The following GRM5 variants were observed in gnomAD, a reference collection of about 807,000 sequenced individuals.
The protein encoded by GRM5 is metabotropic glutamate receptor 5.
A neutral mutation model predicts 83.1 loss-of-function variants in GRM5; 19 were observed. The ratio of observed to expected loss-of-function variants is 0.23; its 90% confidence interval spans 0.16 to 0.34. GRM5 has a LOEUF of 0.34. Ranked by LOEUF, GRM5 falls within the 10% of genes least tolerant of loss-of-function variation. The pLI, the probability that GRM5 is intolerant of heterozygous loss-of-function variation, is 1.00. For missense variants in GRM5, 1,160 were observed against 1,588.3 expected (o/e 0.73, Z 4.58); for synonymous variants, 675 against 633.6 (o/e 1.07, Z -0.98).
intron 3 of GRM5, among the ~76,000 whole-genome samples, chr11:88,722,498 A>G (rs990411470): frequency 6.6e-6 from 1 of 152,158 alleles, no homozygotes; most frequent in Non-Finnish European, 1.5e-5. Flanking sequence ...AAGCCATAAC[A>G]TGCAGAAATC....
intron 7 of GRM5, among the ~76,000 whole-genome samples, chr11:88,573,348 C>T (rs1434476890): frequency 6.6e-6 from 1 of 152,120 alleles, no homozygotes; most frequent in East Asian, 1.9e-4. Flanking sequence ...AGCTGGTACT[C>T]ATGCTTAGAT....
At chr11:88,949,442 T>C (rs1938384622) in intron 2 of GRM5, among the ~76,000 whole-genome samples, 1 of 152,226 alleles carries the variant, frequency 6.6e-6, no homozygotes, top group Admixed American at 6.5e-5. Context: ...CGTTTTGAAA[T>C]ACAGTAGGTA....
intron 2 of GRM5, among the ~76,000 whole-genome samples, chr11:88,937,678 C>T (rs1224560299): frequency 6.6e-6 from 1 of 151,582 alleles, no homozygotes; most frequent in Non-Finnish European, 1.5e-5. Flanking sequence ...TCCACCAGGC[C>T]CTCAAATACA....
intron 4 of GRM5, among the ~76,000 whole-genome samples, chr11:88,632,938 T>C (rs1391419741): frequency 1.3e-5 from 2 of 152,350 alleles, no homozygotes; most frequent in African/African-American, 2.4e-5. Flanking sequence ...TGATTAATCA[T>C]ATTGAGCATC....
At chr11:88,647,118 C>T (rs1020625499) in intron 4 of GRM5, among the ~76,000 whole-genome samples, 1 of 152,032 alleles carries the variant, frequency 6.6e-6, no homozygotes, top group Non-Finnish European at 1.5e-5. Context: ...CCATGGTGTC[C>T]TCCTTGTCTC....
intron 3 of GRM5, among the ~76,000 whole-genome samples, chr11:88,751,156 T>C (rs1029037039): frequency 1.6e-5 from 2 of 125,592 alleles, no homozygotes; most frequent in Admixed American, 7.7e-5. Context: ...CATCAAGAAA[T>C]GAACAAATCC....
chr11:88,624,974 T>A (rs1208752963), intron 4 of GRM5, among the ~76,000 whole-genome samples: 1 of 152,200 alleles, frequency 6.6e-6, no homozygotes, highest in Non-Finnish European at 1.5e-5. Flanking sequence ...CTATAGCCAC[T>A]GTTCTGCATG....
chr11:89,044,150 T>C (rs1941592461), intron 2 of GRM5, among the ~76,000 whole-genome samples: 1 of 152,188 alleles, frequency 6.6e-6, no homozygotes, highest in African/African-American at 2.4e-5. Flanking sequence ...CCCTTTACAT[T>C]TCCTTAGTGC....
intron 3 of GRM5, among the ~76,000 whole-genome samples, chr11:88,829,710 TA>T (rs753383723): frequency 1.3e-5 from 2 of 152,172 alleles, no homozygotes; most frequent in African/African-American, 4.8e-5. Context: ...AATTTTAATT[TA>T]AAAAATTGTA....
At chr11:88,853,719 T>C (rs897047818) in intron 2 of GRM5, among the ~76,000 whole-genome samples, 4 of 151,618 alleles carry the variant, frequency 2.6e-5, no homozygotes, top group African/African-American at 9.7e-5. Flanking sequence ...AAAAATAAAC[T>C]AGCATACTTA....
At chr11:89,046,173 A>C (rs1033718920) in intron 2 of GRM5, among the ~76,000 whole-genome samples, 1 of 152,200 alleles carries the variant, frequency 6.6e-6, no homozygotes, top group African/African-American at 2.4e-5. Context: ...GTATTTGTGC[A>C]TAATATGTGT....
chr11:89,029,911 C>A (rs1941221798), intron 2 of GRM5, among the ~76,000 whole-genome samples: 1 of 152,116 alleles, frequency 6.6e-6, no homozygotes, highest in South Asian at 2.1e-4. Context: ...ACAAAAGAGA[C>A]AACCAAAGCT....
chr11:88,999,355 C>T (rs1309869836), intron 2 of GRM5, among the ~76,000 whole-genome samples: 7 of 151,528 alleles, frequency 4.6e-5, no homozygotes, highest in South Asian at 2.2e-4. Context: ...AAAGGGCTAA[C>T]AATATCCAGA....
rs1024489555 is a variant in GRM5 at position 88,881,544 on chromosome 11, G to A, written c.662-31389C>T. ...GTTATATGGAATAGCAAGCAAGCAC[G>A]TATTTATTTTCTCTTCACTAGAAGA... On this transcript the variant is annotated intron_variant, in intron 2 of 9. Coordinates refer to ENST00000305447, the MANE Select transcript of GRM5 (RefSeq NM_001143831.3). Among the ~76,000 whole-genome samples the A allele has an allele frequency of 1.5e-4, 23 of 152,250 alleles. No individual in the cohort carries two copies. The East Asian group carries it at 3.7e-3, about 24-fold the overall frequency.
chr11:88,623,482 T>C (rs1317039276), intron 4 of GRM5, among the ~76,000 whole-genome samples: 1 of 152,194 alleles, frequency 6.6e-6, no homozygotes, highest in Non-Finnish European at 1.5e-5. Flanking sequence ...GAAATCTTCA[T>C]GATTGGGCTG....
At chr11:88,565,569 A>G (rs112930135) in intron 8 of GRM5, among the ~76,000 whole-genome samples, 76 of 152,356 alleles carry the variant, frequency 5.0e-4, no homozygotes, top group African/African-American at 1.7e-3. Context: ...CTGATAAAAC[A>G]AAAGTTTGAA....
intron 2 of GRM5, among the ~76,000 whole-genome samples, chr11:88,958,300 T>C (rs520270): frequency 0.99 from 148,929 of 150,356 alleles, 73,778 homozygotes; most frequent in East Asian, 1. Flanking sequence ...TAATATAGTA[T>C]CCTGTTCACC....
chr11:88,509,549 G>A, intron 9 of GRM5, 45 bp from the exon 10 acceptor site: 1 of 1,485,690 alleles, frequency 6.7e-7, no homozygotes, highest in Non-Finnish European at 9.3e-7. Flanking sequence ...GAGGTGCCCA[G>A]GGGGCTTGGA....
chr11:88,605,909 T>C (rs1328368845), intron 4 of GRM5, among the ~76,000 whole-genome samples: 1 of 152,200 alleles, frequency 6.6e-6, no homozygotes, highest in African/African-American at 2.4e-5. Flanking sequence ...TGATTCTTGC[T>C]CTCATTTACT....
Sources: allele counts gnomAD v4.1 joint callset (sites outside exome capture counted in the v4.1 genomes callset), GRCh38; gene constraint gnomAD v4.1.1; transcripts MANE v1.5; gene names NCBI Gene and HGNC (gene_info 2026-07-23, HGNC 2026-07-21).